DLG2: variants seen among roughly 807,000 people sequenced by gnomAD.
DLG2 encodes discs large MAGUK scaffold protein 2.
A neutral mutation model predicts 132.5 loss-of-function variants in DLG2; 45 were observed. That is an observed-to-expected ratio of 0.34 (90% CI 0.27 to 0.44). The LOEUF is 0.44. Ranked by LOEUF, DLG2 falls within the 20% of genes least tolerant of loss-of-function variation. The pLI is 1.00. For missense variants in DLG2, 1,045 were observed against 1,196.9 expected, an observed-to-expected ratio of 0.87 and a Z score of 1.87; for synonymous variants, 424 against 419.6, an observed-to-expected ratio of 1.01 and a Z score of -0.13.
At chr11:84,502,487 C>T (rs562595041) in intron 7 of DLG2, among the ~76,000 whole-genome samples, 12 of 149,472 alleles carry the variant, frequency 8.0e-5, no homozygotes, top group African/African-American at 2.7e-4. Context: ...CCTCCATCTC[C>T]CAGGTACAAG....
chr11:84,418,860 C>G (rs1287784614), intron 7 of DLG2, among the ~76,000 whole-genome samples: 1 of 152,164 alleles, frequency 6.6e-6, no homozygotes, highest in Non-Finnish European at 1.5e-5. Context: ...AATCCTTTTT[C>G]TTCTTTATAA....
intron 7 of DLG2, among the ~76,000 whole-genome samples, chr11:84,313,665 GAA>G (rs1567261055): frequency 6.6e-6 from 1 of 151,026 alleles, no homozygotes; most frequent in South Asian, 2.1e-4. Flanking sequence ...AAGAAAGAAA[GAA>G]AGAAAGAAAG....
At chr11:84,382,408 T>C (rs1601090591) in intron 7 of DLG2, among the ~76,000 whole-genome samples, 1 of 152,058 alleles carries the variant, frequency 6.6e-6, no homozygotes. Context: ...TCTTTACTTA[T>C]TGCTGATGAA....
chr11:84,306,472 A>G (rs1207974791), intron 7 of DLG2, among the ~76,000 whole-genome samples: 1 of 152,214 alleles, frequency 6.6e-6, no homozygotes, highest in Non-Finnish European at 1.5e-5. Flanking sequence ...GGAACAACTG[A>G]CAAAATTGCT....
chr11:85,104,419 T>C (rs2071358042), intron 6 of DLG2, among the ~76,000 whole-genome samples: 1 of 151,864 alleles, frequency 6.6e-6, no homozygotes, highest in African/African-American at 2.4e-5. Context: ...TGGACGAACC[T>C]TGGAAACATC....
intron 9 of DLG2, among the ~76,000 whole-genome samples, chr11:84,108,365 A>G (rs2093112893): frequency 6.6e-6 from 1 of 152,172 alleles, no homozygotes; most frequent in Non-Finnish European, 1.5e-5. Context: ...CCAGTAAGAC[A>G]GAAGGAGATT....
chr11:83,892,927 G>A (rs1310195579), intron 15 of DLG2, among the ~76,000 whole-genome samples: 1 of 152,090 alleles, frequency 6.6e-6, no homozygotes, highest in Non-Finnish European at 1.5e-5. Flanking sequence ...TCTAACTTGC[G>A]AGAAAGGACA....
chr11:85,200,149 A>G (rs551185783), intron 4 of DLG2, among the ~76,000 whole-genome samples: 1 of 152,232 alleles, frequency 6.6e-6, no homozygotes, highest in South Asian at 2.1e-4. Context: ...TCATTTCGAG[A>G]GTGCACACCA....
At chr11:83,842,350 C>T (rs2057734936) in intron 16 of DLG2, among the ~76,000 whole-genome samples, 1 of 152,118 alleles carries the variant, frequency 6.6e-6, no homozygotes, top group African/African-American at 2.4e-5. Flanking sequence ...AATCCCAGCA[C>T]TCTGGGAGGC....
At chr11:84,498,059 G>A (rs1406076638) in intron 7 of DLG2, among the ~76,000 whole-genome samples, 2 of 152,174 alleles carry the variant, frequency 1.3e-5, no homozygotes, top group Non-Finnish European at 2.9e-5. Flanking sequence ...TCCAAAGGGA[G>A]ACTTGCTCAT....
intron 7 of DLG2, among the ~76,000 whole-genome samples, chr11:84,512,221 C>T (rs1021167917): frequency 6.6e-6 from 1 of 152,130 alleles, no homozygotes; most frequent in Admixed American, 6.6e-5. Flanking sequence ...ATAAGGACAC[C>T]TGAGCACCTT....
chr11:83,730,939 C>T (rs1333478937), intron 18 of DLG2, among the ~76,000 whole-genome samples: 2 of 151,940 alleles, frequency 1.3e-5, no homozygotes, highest in African/African-American at 4.8e-5. Context: ...TTACTAGGTC[C>T]CTAAATTTTA....
chr11:83,496,365 A>G (rs1367981), intron 21 of DLG2, among the ~76,000 whole-genome samples: 93,391 of 151,744 alleles, frequency 0.62, 29,360 homozygotes, highest in African/African-American at 0.73. Flanking sequence ...AAATTGGTGG[A>G]AATGCAACAT....
intron 7 of DLG2, among the ~76,000 whole-genome samples, chr11:84,265,693 G>GGTA (rs371461570): frequency 5.7e-4 from 86 of 151,944 alleles, no homozygotes; most frequent in African/African-American, 1.8e-3. Context: ...AAGGAAGATA[G>GGTA]GTAGTAGTAG....
intron 6 of DLG2, among the ~76,000 whole-genome samples, chr11:84,864,314 A>G (rs2084226156): frequency 6.6e-6 from 1 of 152,158 alleles, no homozygotes; most frequent in Non-Finnish European, 1.5e-5. Context: ...TCTACCATAT[A>G]TGTCCATCTA....
chr11:84,389,679 A>G (rs2098785214), intron 7 of DLG2, among the ~76,000 whole-genome samples: 1 of 152,172 alleles, frequency 6.6e-6, no homozygotes, highest in African/African-American at 2.4e-5. Context: ...TAAATCAATT[A>G]AATCAATGTG....
intron 3 of DLG2, among the ~76,000 whole-genome samples, chr11:85,456,340 T>C (rs1388766786): frequency 1.3e-5 from 2 of 152,180 alleles, no homozygotes; most frequent in African/African-American, 4.8e-5. Context: ...ATTGTGTTTA[T>C]TTGGATTTTC....
At chr11:84,827,676 C>CAAAAAAAAAAAAAAAAAAAA (rs398016953) in intron 6 of DLG2, among the ~76,000 whole-genome samples, 2 of 35,100 alleles carry the variant, frequency 5.7e-5, no homozygotes, top group Non-Finnish European at 4.6e-5. Flanking sequence ...TACATACAGT[C>CAAAAAAAAAAAAAAAAAAAA]AAAAAAAAAA....
At chr11:84,030,194 C>A (rs561617748) in intron 11 of DLG2, among the ~76,000 whole-genome samples, 2 of 152,166 alleles carry the variant, frequency 1.3e-5, no homozygotes, top group East Asian at 3.9e-4. Flanking sequence ...GACCAATTTT[C>A]CTCAATTATC....
Sources: gnomAD v4.1 joint callset for allele counts (sites outside exome capture counted in the v4.1 genomes callset) on GRCh38, gnomAD v4.1.1 for gene constraint, MANE v1.5 for transcripts, NCBI Gene and HGNC (gene_info 2026-07-23, HGNC 2026-07-21) for gene names.